Variants in TCOF1 observed in about 807,000 individuals in gnomAD.
The protein encoded by TCOF1 is treacle ribosome biogenesis factor 1.
A neutral mutation model predicts 149.0 loss-of-function variants in TCOF1; 33 were observed. That is an observed-to-expected ratio of 0.22 (90% confidence interval 0.17 to 0.30). The LOEUF (loss-of-function observed/expected upper bound fraction) is 0.30, where lower values mean the gene tolerates loss of function less well. Ranked by LOEUF, TCOF1 falls within the 10% of genes least tolerant of loss-of-function variation. The pLI, the probability that TCOF1 is intolerant of heterozygous loss-of-function variation, is 1.00. For missense variants in TCOF1, 1,728 were observed against 1,840.7 expected (o/e 0.94, Z 1.12); for synonymous variants, 789 against 738.8 (o/e 1.07, Z -1.10).
intron 13 of TCOF1, 36 bp downstream of exon 13, chr5:150,376,366 G>A (rs376955088): frequency 2.5e-5 from 41 of 1,614,004 alleles, no homozygotes; most frequent in African/African-American, 1.6e-4. Context: ...CCTCAGGGCC[G>A]CCCCTACGTG....
At position 150,375,752 on chromosome 5, in the gene TCOF1, A is replaced by G; in HGVS notation, c.1736A>G (p.Lys579Arg). ...TCCTTGGGGAACATCCTCCAGGCCA[A>G]ACCCACCTCCAGTCCTGCCAAGGGG... ...EKSLGNILQAKPTSSPAKGPP... is the reference protein window; with the variant it reads ...EKSLGNILQARPTSSPAKGPP... Residue 579 changes from lysine to arginine, a missense_variant, in exon 12 of 27, where the codon AAA becomes AGA. Transcript: ENST00000643257. 1.2e-6 allele frequency: 2 copies of G among 1,614,222 alleles called. No individual in the cohort carries two copies. The highest frequency in any genetic ancestry group is 2.2e-5 in the East Asian group (1 of 44,874).
At chr5:150,383,251 C>A in intron 17 of TCOF1, 1 of 1,239,538 alleles carries the variant, frequency 8.1e-7, no homozygotes, top group Non-Finnish European at 1.1e-6. Context: ...GCAGATCTTG[C>A]CCATAGGGAA....
chr5:150,374,740 G>T lies in TCOF1; in HGVS notation c.1207G>T (p.Ala403Ser), dbSNP rs2150696481. ...KTGPAVAKAQ[A>S]GKREEDSQSS... is the part of the protein sequence containing the mutation. ...AGGGCCTGCAGTTGCCAAGGCCCAG[G>T]CGGGGAAGCGGGAGGAGGACTCGCA... The change falls in exon 9 of 27, where the codon GCG becomes TCG. Residue 403 changes from alanine (A) to serine (S), a missense_variant. Coordinates refer to ENST00000643257, the MANE Select transcript of TCOF1 (RefSeq NM_001371623.1). The T allele has an allele frequency of 6.2e-7, 1 of 1,613,158 alleles. No individual in the cohort carries two copies. The highest frequency in any genetic ancestry group is 1.1e-5 in the South Asian group (1 of 91,040).
At chr5:150,363,435 G>A (rs1760626386) in intron 2 of TCOF1, among the ~76,000 whole-genome samples, 2 of 152,168 alleles carry the variant, frequency 1.3e-5, no homozygotes, top group South Asian at 4.1e-4. Flanking sequence ...CAGGGCCTCA[G>A]CCATCTGGGT....
intron 23 of TCOF1, 43 bp from the exon 24 acceptor site, chr5:150,396,239 C>A: frequency 6.2e-7 from 1 of 1,607,198 alleles, no homozygotes; most frequent in Non-Finnish European, 8.5e-7. Context: ...AGATCTGTCC[C>A]CCAACTCTCC....
rs763587120 is a variant in TCOF1, at chr5:150,375,010, G to A, written c.1335G>A (p.Glu445=). 1.9e-6 allele frequency: 3 copies of A among 1,613,920 alleles called. No individual in the cohort carries two copies. The highest frequency in any genetic ancestry group is 1.7e-5 in the Admixed American group (1 of 60,002). ...QVRAASAPAK[E]SPRKGAAPAP... ...GAGCCGCCTCGGCCCCTGCCAAGGAGTCCCCCAGGAAAGGGGCTGCCCCAG... is the reference window on the plus strand; with the variant it reads ...GAGCCGCCTCGGCCCCTGCCAAGGAATCCCCCAGGAAAGGGGCTGCCCCAG... Residue 445 remains glutamate, a synonymous_variant, in exon 10 of 27, where the codon GAG becomes GAA. Transcript: ENST00000643257.
chr5:150,357,907 C>A (rs1758997573), intron 1 of TCOF1, 53 bp downstream of exon 1: 1 of 1,510,232 alleles, frequency 6.6e-7, no homozygotes, highest in Admixed American at 2.0e-5. Flanking sequence ...TGGAGATCAG[C>A]GGCCCGCGGC....
rs1767058215 is a variant in TCOF1, at chr5:150,389,896, C to T, written c.3056C>T (p.Thr1019Ile). The part of the protein sequence containing the change: ...ATQCLTPGIR[T>I]NVVTMPTAHP... The stretch of plus-strand genomic sequence containing the variant: ...TCTCGCTCCATTTCAGGCATCAGAA[C>T]CAATGTGGTGACCATGCCCACTGCC... Residue 1019 changes from threonine (T) to isoleucine (I), a missense_variant, in exon 19 of 27, where the codon ACC (threonine) becomes ATC (isoleucine). By Grantham distance (89) the Thr-to-Ile change is moderately conservative. Transcript: ENST00000643257. 1 of 1,614,110 alleles carries T rather than the reference C, an allele frequency of 6.2e-7. No individual in the cohort carries two copies. Among genetic ancestry groups the T allele is most frequent in the African/African-American group, 1.3e-5 (1 of 74,950 alleles).
intron 3 of TCOF1, 140 bp from the exon 4 acceptor site, chr5:150,367,704 G>T (rs1209930896): frequency 3.2e-6 from 3 of 927,034 alleles, no homozygotes; most frequent in Non-Finnish European, 5.1e-6. Context: ...ATTCCTGCAA[G>T]TCTGGGCTCA....
chr5:150,375,789 G>A lies in TCOF1; in HGVS notation c.1773G>A (p.Lys591=). ...TSSPAKGPPQ[K]AGPVAVQVKA... The stretch of plus-strand genomic sequence containing the variant: ...GTCCTGCCAAGGGGCCCCCTCAGAA[G>A]GCAGGGCCTGTAGCCGTCCAGGTCA... Residue 591 remains lysine (K), a synonymous_variant, in exon 12 of 27, where the codon AAG becomes AAA. Transcript: ENST00000643257. The A allele has an allele frequency of 6.2e-7, 1 of 1,614,250 alleles. No individual in the cohort carries two copies. Among genetic ancestry groups the A allele is most frequent in the Non-Finnish European group, 8.5e-7 (1 of 1,180,048 alleles).
chr5:150,397,153 C>CAAAAAAA (rs58246300), intron 24 of TCOF1, among the ~76,000 whole-genome samples: 9 of 88,706 alleles, frequency 1.0e-4, no homozygotes, highest in East Asian at 6.8e-4. Flanking sequence ...GCAAGACTGT[C>CAAAAAAA]AAAAAAAAAA....
intron 18 of TCOF1, among the ~76,000 whole-genome samples, chr5:150,388,432 T>A (rs1001135183): frequency 6.6e-6 from 1 of 152,106 alleles, no homozygotes; most frequent in African/African-American, 2.4e-5. Context: ...GAGCTTCCCG[T>A]CCTTGGTGGC....
chr5:150,365,475 TG>T (rs991865984), intron 3 of TCOF1, among the ~76,000 whole-genome samples: 1 of 152,112 alleles, frequency 6.6e-6, no homozygotes, highest in Non-Finnish European at 1.5e-5. Flanking sequence ...AAAGGTTTTT[TG>T]TTGTCCTACC....
chr5:150,357,914 C>T (rs959595984), intron 1 of TCOF1, 60 bp downstream of exon 1: 72 of 1,516,880 alleles, frequency 4.7e-5, no homozygotes, highest in Non-Finnish European at 5.2e-5. Context: ...CAGCGGCCCG[C>T]GGCCCGCGCC....
intron 18 of TCOF1, among the ~76,000 whole-genome samples, chr5:150,388,321 A>T (rs1432074256): frequency 1.3e-5 from 2 of 152,214 alleles, no homozygotes; most frequent in African/African-American, 4.8e-5. Context: ...CATGGAGCCC[A>T]GACCAGTGGC....
chr5:150,399,148 C>T (rs577323050), intron 26 of TCOF1, 78 bp downstream of exon 26: 9 of 1,591,954 alleles, frequency 5.7e-6, no homozygotes, highest in South Asian at 5.5e-5. Context: ...GAGAGCCAGG[C>T]AGACCTGATA....
At position 150,378,913 on chromosome 5, in the gene TCOF1, C is replaced by G. The variant is rs1472469205; in HGVS notation, c.2349C>G (p.Thr783=). ...EAAASPAQVK[T]SVKKTQAKAN... is the part of the protein sequence containing the mutation. Reference sequence around the variant, plus strand: ...CCCTTTTCTCCACTCAGGTGAAAACCTCAGTAAAGAAAACCCAGGCCAAAG... The same window carrying G: ...CCCTTTTCTCCACTCAGGTGAAAACGTCAGTAAAGAAAACCCAGGCCAAAG... Residue 783 remains threonine (T), a synonymous_variant, in exon 15 of 27, where the codon ACC becomes ACG. Transcript: ENST00000643257. The G allele has an allele frequency of 6.2e-7, 1 of 1,614,080 alleles. No individual in the cohort carries two copies. The highest frequency in any genetic ancestry group is 2.2e-5 in the East Asian group (1 of 44,872).
At chr5:150,369,017 C>A in intron 5 of TCOF1, 115 bp downstream of exon 5, 1 of 1,350,556 alleles carries the variant, frequency 7.4e-7, no homozygotes, top group Non-Finnish European at 1.0e-6. Flanking sequence ...GTCTCCAGGA[C>A]AGCCAGGTTC....
Position 150,379,415 on chromosome 5 carries a change from G to A in TCOF1, c.2658+7G>A. On this transcript the variant is annotated splice_region_variant and intron_variant, in intron 16 of 26. Transcript: ENST00000643257. ...GGCGGAGACGCTGGCTCAGGTGAGG[G>A]GGAGGGAATGGAGATCATCCCCTAC... 1 of 1,613,850 alleles carries A rather than the reference G, an allele frequency of 6.2e-7. No homozygotes were observed.
Sources: allele counts gnomAD v4.1 joint callset (sites outside exome capture counted in the v4.1 genomes callset), GRCh38; gene constraint gnomAD v4.1.1; transcripts MANE v1.5; gene names NCBI Gene and HGNC (gene_info 2026-07-23, HGNC 2026-07-21).